Variants in FNBP1 observed in about 807,000 individuals in gnomAD.
FNBP1 encodes formin-binding protein 1.
In FNBP1, 26 loss-of-function variants were observed where a neutral mutation model predicts 90.6. The observed-to-expected ratio is 0.29, with a 90% CI of 0.21 to 0.40. FNBP1 has a LOEUF of 0.40. FNBP1 is among the 10% of genes least tolerant of loss of function. The pLI is 1.00. For synonymous variants in FNBP1, 260 were observed against 265.2 expected (o/e 0.98, Z 0.19); for missense variants, 635 against 768.0 (o/e 0.83, Z 2.05).
At chr9:130,019,028 C>A (rs1221785977) in intron 1 of FNBP1, among the ~76,000 whole-genome samples, 2 of 152,208 alleles carry the variant, frequency 1.3e-5, no homozygotes, top group South Asian at 2.1e-4. Context: ...AGTTCAAGAC[C>A]AGCTTGGGCA....
upstream of FNBP1, among the ~76,000 whole-genome samples, chr9:130,046,471 C>T (rs1791306976): frequency 1.3e-5 from 2 of 151,132 alleles, no homozygotes; most frequent in South Asian, 2.1e-4. Context: ...TGGTGGCTCA[C>T]GCCTGTAATC....
intron 1 of FNBP1, among the ~76,000 whole-genome samples, chr9:130,036,902 G>T (rs1004279249): frequency 7.6e-6 from 1 of 132,126 alleles, no homozygotes; most frequent in African/African-American, 2.6e-5. Context: ...AAAATTAGCC[G>T]GGCGCGGTGG....
At chr9:129,909,520 C>G (rs1199250533) in intron 11 of FNBP1, among the ~76,000 whole-genome samples, 1 of 151,804 alleles carries the variant, frequency 6.6e-6, no homozygotes, top group Non-Finnish European at 1.5e-5. Flanking sequence ...ACAGATGGGA[C>G]ATCACATTCC....
At chr9:129,908,812 C>A in intron 12 of FNBP1, 78 bp downstream of exon 12, 1 of 935,164 alleles carries the variant, frequency 1.1e-6, no homozygotes, top group Non-Finnish European at 1.7e-6. Flanking sequence ...CGCAGCCTCC[C>A]AAAGTGCTGG....
At chr9:129,933,027 G>A (rs117892016) in intron 6 of FNBP1, among the ~76,000 whole-genome samples, 1,571 of 152,096 alleles carry the variant, frequency 0.01, 12 homozygotes, top group Middle Eastern at 0.027. Context: ...TATTCACAAG[G>A]CTTCCTCAGA....
At chr9:129,954,596 AAG>A (rs1400666009) in intron 6 of FNBP1, among the ~76,000 whole-genome samples, 5 of 152,208 alleles carry the variant, frequency 3.3e-5, no homozygotes, top group Non-Finnish European at 7.3e-5. Context: ...TAATGAATTA[AAG>A]GAAGCAGAAC....
intron 2 of FNBP1, among the ~76,000 whole-genome samples, chr9:129,981,955 A>C (rs978321012): frequency 6.6e-6 from 1 of 152,240 alleles, no homozygotes; most frequent in African/African-American, 2.4e-5. Flanking sequence ...ACACGTCAAC[A>C]TATCAACTAT....
At chr9:130,033,401 A>G (rs569487874) in intron 1 of FNBP1, among the ~76,000 whole-genome samples, 88 of 152,306 alleles carry the variant, frequency 5.8e-4, no homozygotes, top group Non-Finnish European at 1.0e-3. Context: ...CTTTAAATGG[A>G]TTTCAGGAAC....
intron 4 of FNBP1, among the ~76,000 whole-genome samples, chr9:129,964,270 A>T (rs576097007): frequency 2.2e-4 from 33 of 152,306 alleles, no homozygotes; most frequent in South Asian, 4.1e-4. Context: ...CCGGACAAAG[A>T]TAAAAAGTGC....
At chr9:129,965,181 C>T (rs1325772944) in intron 4 of FNBP1, among the ~76,000 whole-genome samples, 2 of 152,156 alleles carry the variant, frequency 1.3e-5, no homozygotes, top group African/African-American at 4.8e-5. Context: ...ACGCCTTAGT[C>T]CTGTTCAAGT....
At chr9:129,985,738 G>T (rs1283766950) in intron 2 of FNBP1, among the ~76,000 whole-genome samples, 2 of 151,706 alleles carry the variant, frequency 1.3e-5, no homozygotes, top group Non-Finnish European at 1.5e-5. Context: ...GAGGCAGGTG[G>T]ATCAACTGAG....
chr9:129,963,052 A>G (rs2133005282), intron 4 of FNBP1, among the ~76,000 whole-genome samples: 1 of 152,326 alleles, frequency 6.6e-6, no homozygotes, highest in South Asian at 2.1e-4. Flanking sequence ...AGTTTGCTGA[A>G]GAGATGCAGC....
intron 1 of FNBP1, among the ~76,000 whole-genome samples, chr9:129,999,075 A>G (rs1367820864): frequency 6.6e-6 from 1 of 152,246 alleles, no homozygotes; most frequent in African/African-American, 2.4e-5. Flanking sequence ...AGAAAATTCA[A>G]GACAGATGAA....
chr9:130,020,409 C>T (rs904058962), intron 1 of FNBP1, among the ~76,000 whole-genome samples: 3 of 152,120 alleles, frequency 2.0e-5, no homozygotes, highest in African/African-American at 4.8e-5. Flanking sequence ...AGGGTTTCAC[C>T]ATGTTGGTCA....
At chr9:129,919,140 C>G (rs1564327223) in intron 10 of FNBP1, 1 of 1,203,540 alleles carries the variant, frequency 8.3e-7, no homozygotes, top group South Asian at 1.3e-5. Context: ...TATGACCTGG[C>G]CATCACAGGT....
At chr9:129,919,693 A>G (rs2040807644) in intron 10 of FNBP1, among the ~76,000 whole-genome samples, 4 of 152,344 alleles carry the variant, frequency 2.6e-5, no homozygotes, top group African/African-American at 9.6e-5. Flanking sequence ...GGATTTATAT[A>G]CTCTGATCAT....
At chr9:129,908,697 C>T (rs960051293) in intron 12 of FNBP1, among the ~76,000 whole-genome samples, 193 bp downstream of exon 12, 4 of 152,002 alleles carry the variant, frequency 2.6e-5, no homozygotes, top group Non-Finnish European at 5.9e-5. Flanking sequence ...GGACTACAGA[C>T]GTGTGCCACT....
intron 2 of FNBP1, among the ~76,000 whole-genome samples, chr9:129,991,881 G>A (rs1010537354): frequency 2.6e-5 from 4 of 151,892 alleles, no homozygotes; most frequent in Non-Finnish European, 4.4e-5. Context: ...GGATGGTCTC[G>A]ATCTCCTGAC....
intron 1 of FNBP1, among the ~76,000 whole-genome samples, chr9:129,999,336 C>T (rs923943022): frequency 1.3e-5 from 2 of 152,222 alleles, no homozygotes; most frequent in Middle Eastern, 3.4e-3. Flanking sequence ...TGGCTCATGC[C>T]TATAATCCCA....
Sources: allele counts gnomAD v4.1 joint callset (sites outside exome capture counted in the v4.1 genomes callset), GRCh38; gene constraint gnomAD v4.1.1; transcripts MANE v1.5; gene names NCBI Gene and HGNC (gene_info 2026-07-23, HGNC 2026-07-21).